ONECUT3: variants seen among roughly 807,000 people sequenced by gnomAD.
ONECUT3 encodes one cut homeobox 3.
In ONECUT3, 11 loss-of-function variants were observed where a neutral mutation model predicts 16.8. The observed-to-expected ratio is 0.66, with a 90% CI of 0.41 to 1.09. ONECUT3 has a LOEUF of 1.09. Among genes scored for constraint, ONECUT3 ranks in the 50% least tolerant of loss-of-function variants. The pLI, the probability that ONECUT3 is intolerant of heterozygous loss-of-function variation, is 0.00. For missense variants in ONECUT3, 637 were observed against 629.9 expected, an observed-to-expected ratio of 1.01 and a Z score of -0.12; for synonymous variants, 344 against 310.7, an observed-to-expected ratio of 1.11 and a Z score of -1.13.
Position 1,775,140 on chromosome 19 carries a change from C to CCCCCCCA in ONECUT3, c.1193-13_1193-12insCCCCCCA. The stretch of plus-strand genomic sequence containing the variant: ...GTGTCCCGCTCGCCCGCCCGCCCGC[C>CCCCCCCA]GCTCGCCCGCAGCCTGCAAGCGCAA... On this transcript the variant is annotated splice_polypyrimidine_tract_variant and intron_variant, in intron 1 of 1. Transcript: ENST00000382349. 2.9e-6 allele frequency: 4 copies of CCCCCCCA among 1,378,790 alleles called. No homozygotes were observed. The highest frequency in any genetic ancestry group is 3.9e-6 in the Non-Finnish European group (4 of 1,031,138). The allele number at this position is 1,378,790 out of a possible 1,614,324, so 85.4% of individuals were successfully genotyped here.
chr19:1,754,018 C>T lies in ONECUT3; in HGVS notation c.356C>T (p.Ala119Val), dbSNP rs1224574786. 29 of 993,114 alleles carry T rather than the reference C, an allele frequency of 2.9e-5. No individual in the cohort carries two copies. Among genetic ancestry groups the T allele is most frequent in the South Asian group, 4.5e-5 (1 of 22,246 alleles). The allele number at this position is 993,114 out of a possible 1,614,324, so 61.5% of individuals were successfully genotyped here. The change falls in exon 1 of 2, where the codon GCC becomes GTC. Residue 119 changes from alanine (A) to valine (V), a missense_variant. This residue lies in a region of ONECUT3 where 419 missense variants were observed against 377.9 expected (regional missense o/e 1.11). Coordinates refer to ENST00000382349, the MANE Select transcript of ONECUT3 (RefSeq NM_001080488.2). This position sits in a 1 kb window ranked among gnomAD's most constrained non-coding sequence, Gnocchi z 7.4. ...TPLQHLPPLA[A>V]VADKFHQHAA... ...CTGCAGCACCTGCCGCCGCTCGCGG[C>T]CGTGGCCGACAAGTTCCACCAGCAC...
In ONECUT3 at chr19:1,780,735, T is replaced by TG. The variant is rs2068150263; in HGVS notation, c.*5294dup. On this transcript the variant is annotated 3_prime_UTR_variant, in exon 2 of 2. Transcript: ENST00000382349. Reference sequence around the variant, plus strand: ...AAGCAAAATCAGGCCAGTAGACTCCTGGGGCTCCTCCTCGTGGCCCTGTCA... The same window carrying TG: ...AAGCAAAATCAGGCCAGTAGACTCCTGGGGGCTCCTCCTCGTGGCCCTGTCA... 6.6e-6 allele frequency: 1 copy of TG among 152,178 alleles called. No homozygotes were observed. The highest frequency in any genetic ancestry group is 1.5e-5 in the Non-Finnish European group (1 of 68,022). The allele number at this position is 152,178 out of a possible 1,614,324, so 9.4% of individuals were successfully genotyped here. A position where few individuals can be genotyped will look rare whatever the true frequency, so the allele number is the denominator to read the frequency against.
At chr19:1,767,780 C>T (rs1293718194) in intron 1 of ONECUT3, among the ~76,000 whole-genome samples, 1 of 152,210 alleles carries the variant, frequency 6.6e-6, no homozygotes, top group African/African-American at 2.4e-5. Flanking sequence ...GGACGGTGCC[C>T]TGGGGCGGGA....
chr19:1,777,381 G>C lies in ONECUT3; in HGVS notation c.*1936G>C, dbSNP rs541279818. 1 of 152,084 alleles carries C rather than the reference G, an allele frequency of 6.6e-6. No individual in the cohort carries two copies. Among genetic ancestry groups the C allele is most frequent in the Admixed American group, 6.6e-5 (1 of 15,236 alleles). 9.4% of individuals were successfully genotyped at this position (152,084 alleles called of 1,614,324 possible). A position where few individuals can be genotyped will look rare whatever the true frequency, so the allele number is the denominator to read the frequency against. The stretch of plus-strand genomic sequence containing the variant: ...ACACACACGTGCACACACATGCAGA[G>C]ACATGCAGACACGCAGGCACACATG... On this transcript the variant is annotated 3_prime_UTR_variant, in exon 2 of 2. Coordinates refer to ENST00000382349, the MANE Select transcript of ONECUT3 (RefSeq NM_001080488.2).
intron 1 of ONECUT3, among the ~76,000 whole-genome samples, chr19:1,773,502 G>A (rs576639271): frequency 4.6e-5 from 7 of 152,184 alleles, no homozygotes; most frequent in East Asian, 1.9e-4. Context: ...CTGTGGACGT[G>A]TATGGACATT....
intron 1 of ONECUT3, among the ~76,000 whole-genome samples, chr19:1,760,658 TG>T (rs374600269): frequency 2.1e-4 from 31 of 145,392 alleles, no homozygotes; most frequent in African/African-American, 3.3e-4. Context: ...GGATGGGCGG[TG>T]GGGGGGGGCC....
At chr19:1,757,279 C>T (rs1027646655) in intron 1 of ONECUT3, among the ~76,000 whole-genome samples, 1 of 152,268 alleles carries the variant, frequency 6.6e-6, no homozygotes, top group Non-Finnish European at 1.5e-5. Context: ...CTCCGCCGTC[C>T]CCTTTCTGCC....
At position 1,764,605 on chromosome 19, in the gene ONECUT3, C is replaced by T. The variant is rs73515181; in HGVS notation, c.1192+9751C>T. Among the ~76,000 whole-genome samples the T allele has an allele frequency of 0.032, 4,919 of 152,078 alleles. 216 individuals are homozygous for T. The highest frequency in any genetic ancestry group is 0.19 in the East Asian group (961 of 5,154). ...GGCTGGGGAGGCCTCTGGGGGTCCA[C>T]GCCTGGGGCATGACTCAGCCCCATC... On this transcript the variant is annotated intron_variant, in intron 1 of 1. Coordinates refer to ENST00000382349, the MANE Select transcript of ONECUT3 (RefSeq NM_001080488.2). The surrounding 1 kb of genome is among the most constrained non-coding windows in gnomAD (Gnocchi z 5.0).
At position 1,764,619 on chromosome 19, in the gene ONECUT3, C is replaced by T. The variant is rs544908765; in HGVS notation, c.1192+9765C>T. Among the ~76,000 whole-genome samples the T allele has an allele frequency of 6.6e-6, 1 of 152,216 alleles. No homozygotes were observed. Among genetic ancestry groups the T allele is most frequent in the South Asian group, 2.1e-4 (1 of 4,834 alleles). On this transcript the variant is annotated intron_variant, in intron 1 of 1. Coordinates refer to ENST00000382349, the MANE Select transcript of ONECUT3 (RefSeq NM_001080488.2). This position sits in a 1 kb window ranked among gnomAD's most constrained non-coding sequence, Gnocchi z 5.0. ...CTGGGGGTCCACGCCTGGGGCATGA[C>T]TCAGCCCCATCTCCTTGGAGAAGGT...
rs1403151729 is a variant in ONECUT3 at position 1,758,325 on chromosome 19, G to GAGAGAGAC, written c.1192+3478_1192+3479insCAGAGAGA. ...CAAAAAAAAAAAAAAAAGAGAGAGA[G>GAGAGAGAC]AGAGAGAGAGACAGAGATGGGAGAG... On this transcript the variant is annotated intron_variant, in intron 1 of 1. Transcript: ENST00000382349. The surrounding 1 kb of genome is among the most constrained non-coding windows in gnomAD (Gnocchi z 5.9). 1.3e-4 allele frequency among the ~76,000 whole-genome samples: 19 copies of GAGAGAGAC among 148,944 alleles called. No homozygotes were observed. The highest frequency in any genetic ancestry group is 4.7e-4 in the African/African-American group (19 of 40,146).
At chr19:1,757,652 A>C (rs1303644380) in intron 1 of ONECUT3, among the ~76,000 whole-genome samples, 2 of 152,066 alleles carry the variant, frequency 1.3e-5, no homozygotes, top group African/African-American at 4.8e-5. Flanking sequence ...GGCCGCGTCT[A>C]CACCACCGGA....
chr19:1,780,298 C>T lies in ONECUT3; in HGVS notation c.*4853C>T, dbSNP rs1329057707. 6.6e-6 allele frequency: 1 copy of T among 152,190 alleles called. No homozygotes were observed. The highest frequency in any genetic ancestry group is 1.5e-5 in the Non-Finnish European group (1 of 68,066). 9.4% of individuals were successfully genotyped at this position (152,190 alleles called of 1,614,324 possible). On this transcript the variant is annotated 3_prime_UTR_variant, in exon 2 of 2. Transcript: ENST00000382349. ...GCAGAGACCCCTCCCTCCCAGCCCA[C>T]TTTCGGAGCCTACAGAACAGAGGAC... is the stretch of plus-strand genomic sequence containing the variant.
Position 1,755,017 on chromosome 19 carries a change from C to T in ONECUT3, c.1192+163C>T, listed in dbSNP as rs1016364576. 2.0e-5 allele frequency among the ~76,000 whole-genome samples: 3 copies of T among 152,148 alleles called. No individual in the cohort carries two copies. Among genetic ancestry groups the T allele is most frequent in the South Asian group, 4.1e-4 (2 of 4,830 alleles). On this transcript the variant is annotated intron_variant, in intron 1 of 1. Coordinates refer to ENST00000382349, the MANE Select transcript of ONECUT3 (RefSeq NM_001080488.2). This position sits in a 1 kb window ranked among gnomAD's most constrained non-coding sequence, Gnocchi z 7.5. ...CAGGAAGCTAGACCGCGATCCGCGCCGCTGCCCGTTTGTACCGTTGCCAAA... is the reference window on the plus strand; with the variant it reads ...CAGGAAGCTAGACCGCGATCCGCGCTGCTGCCCGTTTGTACCGTTGCCAAA...
rs572513437 is a variant in ONECUT3 at position 1,759,949 on chromosome 19, C to G, written c.1192+5095C>G. On this transcript the variant is annotated intron_variant, in intron 1 of 1. Coordinates refer to ENST00000382349, the MANE Select transcript of ONECUT3 (RefSeq NM_001080488.2). This position sits in a 1 kb window ranked among gnomAD's most constrained non-coding sequence, Gnocchi z 4.1. ...GTGCCCCCACACCAGCACCCTCCCA[C>G]AAAACTTCAGGGCCCGGGGAGGAGC... Among the ~76,000 whole-genome samples the G allele has an allele frequency of 1.3e-3, 205 of 152,266 alleles. 2 individuals are homozygous for G. The highest frequency in any genetic ancestry group is 4.7e-3 in the African/African-American group (197 of 41,556).
rs2067936148 is a variant in ONECUT3, at chr19:1,759,701, TC to T, written c.1192+4850del. Among the ~76,000 whole-genome samples, 1 of 152,022 alleles carries T rather than the reference TC, an allele frequency of 6.6e-6. No homozygotes were observed. The highest frequency in any genetic ancestry group is 1.5e-5 in the Non-Finnish European group (1 of 68,022). On this transcript the variant is annotated intron_variant, in intron 1 of 1. Coordinates refer to ENST00000382349, the MANE Select transcript of ONECUT3 (RefSeq NM_001080488.2). The surrounding 1 kb of genome is among the most constrained non-coding windows in gnomAD (Gnocchi z 4.1). The stretch of plus-strand genomic sequence containing the variant: ...TTCCCTGGGCTCTGTCCCTGGCTGA[TC>T]CCTGGCAAAAGGACTTGAGCCTCAG...
chr19:1,768,101 G>A (rs1473655319), intron 1 of ONECUT3, among the ~76,000 whole-genome samples: 1 of 152,144 alleles, frequency 6.6e-6, no homozygotes, highest in Admixed American at 6.5e-5. Context: ...GCTGCATGGA[G>A]TGGGCATCCT....
Position 1,779,634 on chromosome 19 carries a change from A to G in ONECUT3, c.*4189A>G, listed in dbSNP as rs894850229. ...ATGGAATTTGAGTTGGTGCATGACTAATGTACTCTTTCTTGACGCTAATTG... is the reference window on the plus strand; with the variant it reads ...ATGGAATTTGAGTTGGTGCATGACTGATGTACTCTTTCTTGACGCTAATTG... On this transcript the variant is annotated 3_prime_UTR_variant, in exon 2 of 2. Coordinates refer to ENST00000382349, the MANE Select transcript of ONECUT3 (RefSeq NM_001080488.2). 3.0e-5 allele frequency: 4 copies of G among 133,214 alleles called. No individual in the cohort carries two copies. Among genetic ancestry groups the G allele is most frequent in the Non-Finnish European group, 6.2e-5 (4 of 64,496 alleles). The allele number at this position is 133,214 out of a possible 1,614,324, so 8.3% of individuals were successfully genotyped here.
In ONECUT3 at chr19:1,754,771, A is replaced by G. The variant is rs2067907845; in HGVS notation, c.1109A>G (p.Lys370Arg). 1 of 1,566,582 alleles carries G rather than the reference A, an allele frequency of 6.4e-7. No homozygotes were observed. The highest frequency in any genetic ancestry group is 1.8e-5 in the Admixed American group (1 of 54,674). The change falls in exon 1 of 2, where the codon AAA (lysine) becomes AGA (arginine). Residue 370 changes from lysine (K) to arginine (R), a missense_variant. This residue lies in a region of ONECUT3 where 183 missense variants were observed against 188.3 expected (regional missense o/e 0.97). Transcript: ENST00000382349. This position sits in a 1 kb window ranked among gnomAD's most constrained non-coding sequence, Gnocchi z 7.4. ...AACCCCAAGCCGTGGAGCAAGCTCA[A>G]ATCCGGCCGCGAGACCTTCCGCAGG... ...LRNPKPWSKL[K>R]SGRETFRRMW...
At chr19:1,772,797 A>G (rs567453636) in intron 1 of ONECUT3, among the ~76,000 whole-genome samples, 145 of 141,778 alleles carry the variant, frequency 1.0e-3, no homozygotes, top group African/African-American at 3.8e-3. Flanking sequence ...AGATTCAAGC[A>G]ATTCTCCTGC....
Sources: allele counts gnomAD v4.1 joint callset (sites outside exome capture counted in the v4.1 genomes callset), GRCh38; gene constraint gnomAD v4.1.1; regional missense constraint gnomAD v4.1.1; non-coding constraint Gnocchi (gnomAD v3.1); transcripts MANE v1.5; gene names NCBI Gene and HGNC (gene_info 2026-07-23, HGNC 2026-07-21).